NRXN1: variants seen among roughly 807,000 people sequenced by gnomAD.
NRXN1 encodes neurexin 1, also known as neurexin-1.
In NRXN1, 39 loss-of-function variants were observed where a neutral mutation model predicts 150.9. The observed-to-expected ratio is 0.26, with a 90% CI of 0.20 to 0.34. NRXN1 has a LOEUF of 0.34. NRXN1 is among the 10% of genes least tolerant of loss of function. NRXN1 has a pLI of 1.00. For missense variants in NRXN1, 1,815 were observed against 1,949.9 expected (o/e 0.93, Z 1.30); for synonymous variants, 924 against 757.0 (o/e 1.22, Z -3.62).
chr2:50,644,325 A>T (rs907378736), intron 5 of NRXN1, among the ~76,000 whole-genome samples: 1 of 151,924 alleles, frequency 6.6e-6, no homozygotes, highest in Non-Finnish European at 1.5e-5. Flanking sequence ...ATTTTTTCTG[A>T]TCTGAAAAAG....
chr2:50,644,154 T>C (rs866564233), intron 5 of NRXN1, among the ~76,000 whole-genome samples: 38 of 151,170 alleles, frequency 2.5e-4, no homozygotes, highest in African/African-American at 9.0e-4. Context: ...GATCTTCATG[T>C]GGAAAAAAAA....
At chr2:49,981,120 C>T (rs1679915210) in intron 21 of NRXN1, among the ~76,000 whole-genome samples, 1 of 152,048 alleles carries the variant, frequency 6.6e-6, no homozygotes, top group Non-Finnish European at 1.5e-5. Flanking sequence ...AGTCTCTGAC[C>T]AGTTTTTAAA....
intron 5 of NRXN1, among the ~76,000 whole-genome samples, chr2:50,778,733 T>G (rs1235171793): frequency 6.6e-6 from 1 of 152,172 alleles, no homozygotes; most frequent in Non-Finnish European, 1.5e-5. Context: ...CTGCTACAGT[T>G]TCCCTGTCTA....
At chr2:50,607,822 G>C (rs1396865772) in intron 8 of NRXN1, among the ~76,000 whole-genome samples, 1 of 151,760 alleles carries the variant, frequency 6.6e-6, no homozygotes, top group African/African-American at 2.4e-5. Context: ...ATGGTCATGG[G>C]CTTAGGTCCA....
chr2:50,497,862 G>T, intron 13 of NRXN1, 148 bp from the exon 14 acceptor site: 1 of 654,516 alleles, frequency 1.5e-6, no homozygotes, highest in Non-Finnish European at 2.5e-6. Context: ...CTTAAATGAT[G>T]CCAAAAGGTA....
At chr2:50,041,622 T>C (rs984583792) in intron 21 of NRXN1, among the ~76,000 whole-genome samples, 2 of 152,244 alleles carry the variant, frequency 1.3e-5, no homozygotes, top group Admixed American at 6.5e-5. Flanking sequence ...TATTTGTCTG[T>C]GGCTCACCAC....
At chr2:50,936,041 C>A (rs548956878) in intron 2 of NRXN1, among the ~76,000 whole-genome samples, 2 of 152,072 alleles carry the variant, frequency 1.3e-5, no homozygotes, top group African/African-American at 4.8e-5. Context: ...TGAAATAAGG[C>A]AATGCATTTA....
chr2:50,888,890 G>C (rs1322714365), intron 5 of NRXN1, among the ~76,000 whole-genome samples: 3 of 151,474 alleles, frequency 2.0e-5, no homozygotes, highest in Non-Finnish European at 4.4e-5. Context: ...ATAACTACCT[G>C]TTCAAAGATT....
intron 5 of NRXN1, among the ~76,000 whole-genome samples, chr2:50,793,646 T>G (rs895812280): frequency 6.6e-6 from 1 of 152,088 alleles, no homozygotes; most frequent in East Asian, 1.9e-4. Context: ...AGATGTTTCT[T>G]CCTCACATTA....
intron 5 of NRXN1, among the ~76,000 whole-genome samples, chr2:50,897,382 C>T (rs1173746911): frequency 6.6e-6 from 1 of 152,142 alleles, no homozygotes; most frequent in African/African-American, 2.4e-5. Flanking sequence ...CAGGACCATT[C>T]TAAAACTTAT....
chr2:50,454,090 C>A (rs562773495), intron 17 of NRXN1, among the ~76,000 whole-genome samples: 5 of 152,190 alleles, frequency 3.3e-5, no homozygotes, highest in African/African-American at 1.2e-4. Flanking sequence ...CACTTTGAGG[C>A]CGAGGTGGGC....
intron 5 of NRXN1, among the ~76,000 whole-genome samples, chr2:50,814,583 C>T (rs1668667836): frequency 6.6e-6 from 1 of 151,752 alleles, no homozygotes; most frequent in South Asian, 2.1e-4. Flanking sequence ...TGGAAAACTC[C>T]TTCATTCTCA....
At chr2:50,318,386 T>C (rs11897143) in intron 17 of NRXN1, among the ~76,000 whole-genome samples, 37,225 of 151,960 alleles carry the variant, frequency 0.24, 5,515 homozygotes, top group East Asian at 0.54. Flanking sequence ...CTAGGAACGT[T>C]ACATGTGCAT....
chr2:50,227,454 G>C (rs1240112291), intron 18 of NRXN1, among the ~76,000 whole-genome samples: 1 of 151,924 alleles, frequency 6.6e-6, no homozygotes, highest in Non-Finnish European at 1.5e-5. Flanking sequence ...GGGAGAAAAT[G>C]GGTGAAAGGA....
intron 21 of NRXN1, among the ~76,000 whole-genome samples, chr2:49,984,718 AACACAC>A (rs149322054): frequency 5.4e-5 from 8 of 146,844 alleles, no homozygotes; most frequent in South Asian, 2.2e-4. Context: ...AGAACACACA[AACACAC>A]ACACACACAC....
chr2:50,096,111 T>G (rs1700189186), intron 18 of NRXN1, among the ~76,000 whole-genome samples: 1 of 152,060 alleles, frequency 6.6e-6, no homozygotes, highest in Non-Finnish European at 1.5e-5. Flanking sequence ...TTAGCTAGAA[T>G]GGAACTGAAG....
chr2:50,062,872 T>A (rs775093740), intron 19 of NRXN1, among the ~76,000 whole-genome samples: 6 of 152,114 alleles, frequency 3.9e-5, no homozygotes, highest in Non-Finnish European at 8.8e-5. Context: ...AACAATGCTA[T>A]GAACCAAACA....
rs999053404 is a variant in NRXN1 at position 50,621,261 on chromosome 2, A to AG, written c.1135-13dup. Reference sequence around the variant, plus strand: ...CCAATGCCTGAGTGCTTTGTGGAGAAGGGGGGAGAAAGGAAATTAAAAACT... The same window carrying AG: ...CCAATGCCTGAGTGCTTTGTGGAGAAGGGGGGGAGAAAGGAAATTAAAAACT... On this transcript the variant is annotated splice_polypyrimidine_tract_variant and intron_variant, in intron 6 of 22. Coordinates refer to ENST00000401669, the MANE Select transcript of NRXN1 (RefSeq NM_001330078.2). 3 of 1,563,158 alleles carry AG rather than the reference A, an allele frequency of 1.9e-6. No individual in the cohort carries two copies. Among genetic ancestry groups the AG allele is most frequent in the Admixed American group, 1.9e-5 (1 of 52,900 alleles).
chr2:50,245,021 T>C (rs907161002), intron 17 of NRXN1, among the ~76,000 whole-genome samples: 4 of 151,946 alleles, frequency 2.6e-5, no homozygotes, highest in Admixed American at 1.3e-4. Context: ...TTCAACCCAA[T>C]GAACACTACT....
Sources: gnomAD v4.1 joint callset for allele counts (sites outside exome capture counted in the v4.1 genomes callset) on GRCh38, gnomAD v4.1.1 for gene constraint, MANE v1.5 for transcripts, NCBI Gene and HGNC (gene_info 2026-07-23, HGNC 2026-07-21) for gene names.